GUCY2F: variants seen among roughly 807,000 people sequenced by gnomAD.
The protein encoded by GUCY2F is guanylate cyclase 2F, retinal.
In GUCY2F, 61 loss-of-function variants were observed where a neutral mutation model predicts 73.1. That is an observed-to-expected ratio of 0.83 (90% CI 0.68 to 1.03). GUCY2F has a LOEUF of 1.03. GUCY2F is among the 50% of genes least tolerant of loss of function. GUCY2F has a pLI of 0.00. For synonymous variants in GUCY2F, 331 were observed against 307.8 expected, an observed-to-expected ratio of 1.08 and a Z score of -0.79; for missense variants, 912 against 854.3, an observed-to-expected ratio of 1.07 and a Z score of -0.84.
In GUCY2F at chrX:109,445,010, A is replaced by G. The variant is rs186895886; in HGVS notation, c.1569+3059T>C. 1.9e-4 allele frequency among the ~76,000 whole-genome samples: 21 copies of G among 111,506 alleles called. No homozygotes were observed. In the South Asian group the frequency reaches 1.9e-3, roughly 10 times the overall value. On this transcript the variant is annotated intron_variant, in intron 6 of 19. Coordinates refer to ENST00000218006, the MANE Select transcript of GUCY2F (RefSeq NM_001522.3). ...TTCTGAAAAGCCTCCCTCCACTGAT[A>G]TGCCTCCTCTGAAGTCCTACCACAT...
At chrX:109,436,686 C>CA (rs1188987638) in intron 7 of GUCY2F, among the ~76,000 whole-genome samples, 4 of 106,305 alleles carry the variant, frequency 3.8e-5, no homozygotes, top group African/African-American at 1.4e-4. Flanking sequence ...ATCGCAAGGA[C>CA]AAAAAACCAA....
Position 109,423,953 on chromosome X carries a change from A to G in GUCY2F, c.1791+6354T>C, listed in dbSNP as rs190376612. On this transcript the variant is annotated intron_variant, in intron 8 of 19. Transcript: ENST00000218006. ...ATAGAGAACAATCAACAAAGTTCAAAGTTGATATTTGGAAAAGATGAATAG... is the reference window on the plus strand; with the variant it reads ...ATAGAGAACAATCAACAAAGTTCAAGGTTGATATTTGGAAAAGATGAATAG... 4.3e-3 allele frequency among the ~76,000 whole-genome samples: 486 copies of G among 111,797 alleles called. 2 individuals carry two copies. Among genetic ancestry groups the G allele is most frequent in the Admixed American group, 7.4e-3 (78 of 10,520 alleles).
intron 6 of GUCY2F, among the ~76,000 whole-genome samples, chrX:109,443,366 A>G (rs923724994): frequency 8.9e-6 from 1 of 111,791 alleles, no homozygotes; most frequent in Admixed American, 9.5e-5. Flanking sequence ...CCCTTATAAG[A>G]GTATACCAAT....
chrX:109,392,119 AGCTAT>A lies in GUCY2F; in HGVS notation c.2589-21_2589-17del. ...AGCAACTGATCTGAAAAGCAGACAC[AGCTAT>A]TCCTAAGATGACACTGGTCCCCCTT... On this transcript the variant is annotated splice_polypyrimidine_tract_variant and intron_variant, in intron 13 of 19. Coordinates refer to ENST00000218006, the MANE Select transcript of GUCY2F (RefSeq NM_001522.3). 8.7e-7 allele frequency: 1 copy of A among 1,152,892 alleles called. No homozygotes were observed. Among genetic ancestry groups the A allele is most frequent in the Non-Finnish European group, 1.2e-6 (1 of 853,535 alleles).
At chrX:109,414,414 C>T (rs767237013) in intron 8 of GUCY2F, among the ~76,000 whole-genome samples, 1 of 112,125 alleles carries the variant, frequency 8.9e-6, no homozygotes, top group Admixed American at 9.4e-5. Context: ...ATCTAACACC[C>T]AGAAGTCAAT....
intron 6 of GUCY2F, 95 bp from the exon 7 acceptor site, chrX:109,441,577 A>G: frequency 1.7e-6 from 1 of 585,737 alleles, no homozygotes; most frequent in Non-Finnish European, 2.6e-6. Flanking sequence ...TAAGAAAATA[A>G]CCATATGAGT....
chrX:109,475,226 G>C lies in GUCY2F; in HGVS notation c.711C>G (p.His237Gln). ...QSMRKALQRI[H>Q]QADRIRIIIM... ...ACTCACTGCGAATTCTGTCTGCCTG[G>C]TGAATCCTCTGGAGGGCTTTCCGCA... The change falls in exon 2 of 20, where the codon CAC becomes CAG. Residue 237 changes from histidine to glutamine, a missense_variant. Physicochemically the swap from His to Gln is conservative, Grantham distance 24. Coordinates refer to ENST00000218006, the MANE Select transcript of GUCY2F (RefSeq NM_001522.3). The C allele has an allele frequency of 1.7e-6, 2 of 1,203,698 alleles. No individual in the cohort carries two copies. Among genetic ancestry groups the C allele is most frequent in the Non-Finnish European group, 2.2e-6 (2 of 890,380 alleles).
intron 3 of GUCY2F, among the ~76,000 whole-genome samples, chrX:109,458,584 G>T (rs957240691): frequency 9.0e-6 from 1 of 111,087 alleles, no homozygotes; most frequent in South Asian, 3.8e-4. Context: ...TGATCAAGAA[G>T]TACTAGAGTC....
At chrX:109,406,418 C>T (rs1930973803) in intron 9 of GUCY2F, among the ~76,000 whole-genome samples, 1 of 111,816 alleles carries the variant, frequency 8.9e-6, no homozygotes, top group Non-Finnish European at 1.9e-5. Flanking sequence ...CCCACATCCA[C>T]AAAGCAGAGA....
chrX:109,402,071 G>T (rs929993774), intron 10 of GUCY2F, among the ~76,000 whole-genome samples: 58 of 111,575 alleles, frequency 5.2e-4, no homozygotes, highest in African/African-American at 1.8e-3. Context: ...GAAGCCATTC[G>T]ATAGATTTAG....
intron 8 of GUCY2F, among the ~76,000 whole-genome samples, chrX:109,424,546 T>C (rs1931440572): frequency 9.0e-6 from 1 of 110,826 alleles, no homozygotes; most frequent in African/African-American, 3.3e-5. Flanking sequence ...ACCAAGAGTT[T>C]ACCCCAATGT....
At chrX:109,449,455 T>C (rs937274841) in intron 5 of GUCY2F, among the ~76,000 whole-genome samples, 1 of 111,920 alleles carries the variant, frequency 8.9e-6, no homozygotes, top group East Asian at 2.8e-4. Flanking sequence ...ATATGTGTGG[T>C]GAATTGTCTT....
intron 4 of GUCY2F, among the ~76,000 whole-genome samples, chrX:109,452,917 C>G (rs1932165600): frequency 9.0e-6 from 1 of 111,555 alleles, no homozygotes; most frequent in Admixed American, 9.5e-5. Flanking sequence ...CTGTGTTGGG[C>G]AGTTGGGCAG....
At chrX:109,388,847 C>T (rs1329292072) in intron 14 of GUCY2F, among the ~76,000 whole-genome samples, 184 bp from the exon 15 acceptor site, 2 of 111,599 alleles carry the variant, frequency 1.8e-5, no homozygotes, top group Admixed American at 9.5e-5. Context: ...ATTAAAAATA[C>T]TGAAGTCTAG....
Position 109,475,758 on chromosome X carries a change from G to A in GUCY2F, c.179C>T (p.Pro60Leu). 8.3e-7 allele frequency: 1 copy of A among 1,211,058 alleles called. No homozygotes were observed. The highest frequency in any genetic ancestry group is 1.1e-6 in the Non-Finnish European group (1 of 894,870). Residue 60 changes from proline (P) to leucine (L), a missense_variant, in exon 2 of 20, where the codon CCT (proline) becomes CTT (leucine). By Grantham distance (98) the Pro-to-Leu change is moderately conservative. Coordinates refer to ENST00000218006, the MANE Select transcript of GUCY2F (RefSeq NM_001522.3). Reference sequence around the variant, plus strand: ...TGAAAACAGCGAATCACAAGCCCAAGGGCCCACCACCCCTATCTTGTAGGG... The same window carrying A: ...TGAAAACAGCGAATCACAAGCCCAAAGGCCCACCACCCCTATCTTGTAGGG... Reference protein sequence around the residue: ...TLPYKIGVVGPWACDSLFSKA... With the variant: ...TLPYKIGVVGLWACDSLFSKA...
rs182372526 is a variant in GUCY2F at position 109,435,726 on chromosome X, C to T, written c.1702-5330G>A. On this transcript the variant is annotated intron_variant, in intron 7 of 19. Coordinates refer to ENST00000218006, the MANE Select transcript of GUCY2F (RefSeq NM_001522.3). ...GTGCCAGTTTTCAAAGCCAATGCTT[C>T]CAGTTTTTGCCCATTCAGTATGATA... Among the ~76,000 whole-genome samples the T allele has an allele frequency of 2.7e-3, 299 of 111,579 alleles. 1 individual carries two copies. Among genetic ancestry groups the T allele is most frequent in the Middle Eastern group, 4.6e-3 (1 of 218 alleles).
chrX:109,409,221 A>T, intron 8 of GUCY2F, 53 bp from the exon 9 acceptor site: 7 of 638,306 alleles, frequency 1.1e-5, no homozygotes, highest in Non-Finnish European at 1.8e-5. Context: ...TCAACTGGGG[A>T]CCACAGTTGA....
At chrX:109,465,062 G>A (rs964240283) in intron 3 of GUCY2F, 80 bp downstream of exon 3, 1 of 729,535 alleles carries the variant, frequency 1.4e-6, no homozygotes, top group African/African-American at 2.1e-5. Flanking sequence ...CTATGGAATT[G>A]AGACTGTTGG....
intron 10 of GUCY2F, among the ~76,000 whole-genome samples, chrX:109,403,710 C>CCAGG (rs1449536342): frequency 8.9e-6 from 1 of 112,254 alleles, no homozygotes; most frequent in Admixed American, 9.4e-5. Context: ...CACCAAGGAC[C>CCAGG]ACCCTGGTCT....
Sources: gnomAD v4.1 joint callset for allele counts (sites outside exome capture counted in the v4.1 genomes callset) on GRCh38, gnomAD v4.1.1 for gene constraint, MANE v1.5 for transcripts, NCBI Gene and HGNC (gene_info 2026-07-23, HGNC 2026-07-21) for gene names.